The following RASA3 variants were observed in gnomAD, a reference collection of about 807,000 sequenced individuals.
The protein encoded by RASA3 is ras GTPase-activating protein 3.
Under a neutral mutation model 110.0 loss-of-function variants are expected in RASA3, and 73 were observed. The observed-to-expected ratio is 0.66, with a 90% CI of 0.55 to 0.81. RASA3 has a LOEUF of 0.81. Ranked by LOEUF, RASA3 falls within the 30% of genes least tolerant of loss-of-function variation. RASA3 has a pLI of 0.00. For missense variants in RASA3, 976 were observed against 1,113.2 expected, an observed-to-expected ratio of 0.88 and a Z score of 1.75; for synonymous variants, 500 against 451.4, an observed-to-expected ratio of 1.11 and a Z score of -1.37.
At chr13:114,039,706 C>A (rs572202689) in intron 4 of RASA3, among the ~76,000 whole-genome samples, 1 of 152,344 alleles carries the variant, frequency 6.6e-6, no homozygotes, top group South Asian at 2.1e-4. Flanking sequence ...CTGTTACAGG[C>A]AAGCCTGGAG....
At chr13:114,046,751 G>A (rs770251643) in intron 3 of RASA3, among the ~76,000 whole-genome samples, 7 of 152,130 alleles carry the variant, frequency 4.6e-5, no homozygotes, top group African/African-American at 7.2e-5. Flanking sequence ...TACCTCAGAT[G>A]GAAGAGAATA....
At position 114,023,858 on chromosome 13, in the gene RASA3, A is replaced by G. The variant is rs1391835887; in HGVS notation, c.680+421T>C. Among the ~76,000 whole-genome samples the G allele has an allele frequency of 1.3e-5, 2 of 152,222 alleles. 1 individual carries two copies. Among genetic ancestry groups the G allele is most frequent in the Admixed American group, 1.3e-4 (2 of 15,280 alleles). On this transcript the variant is annotated intron_variant, in intron 8 of 23. Transcript: ENST00000334062. ...GTCAAAGGGGACAGGGTCTCCACAG[A>G]GGCCACCCAGCCGAGAGTTTCAGCA...
At chr13:114,013,630 C>CTCTCCATCTCTTTG in intron 14 of RASA3, among the ~76,000 whole-genome samples, 1 of 148,304 alleles carries the variant, frequency 6.7e-6, no homozygotes, top group Admixed American at 6.7e-5. Context: ...ATCTGTCTCT[C>CTCTCCATCTCTTTG]TCTCTCTCCA....
At chr13:114,070,547 GGGGC>G (rs2139659048) in intron 2 of RASA3, among the ~76,000 whole-genome samples, 1 of 152,330 alleles carries the variant, frequency 6.6e-6, no homozygotes, top group South Asian at 2.1e-4. Context: ...TCACACTACA[GGGGC>G]GGCCAGCCCG....
intron 2 of RASA3, among the ~76,000 whole-genome samples, chr13:114,055,921 C>T (rs1234326558): frequency 6.6e-6 from 1 of 152,212 alleles, no homozygotes; most frequent in Non-Finnish European, 1.5e-5. Flanking sequence ...CTTCGTTCAC[C>T]ATGGAGGAAC....
intron 18 of RASA3, among the ~76,000 whole-genome samples, chr13:114,002,698 C>T (rs2053432531): frequency 6.6e-6 from 1 of 152,166 alleles, no homozygotes; most frequent in Admixed American, 6.5e-5. Context: ...GTGCAGTTTC[C>T]AGGTTAAGGC....
intron 21 of RASA3, among the ~76,000 whole-genome samples, chr13:113,993,957 C>T (rs1358715274): frequency 2.0e-5 from 3 of 152,068 alleles, no homozygotes; most frequent in Admixed American, 6.6e-5. Flanking sequence ...TAGGAACGCG[C>T]GGGGCTGTTA....
chr13:114,102,146 A>G (rs564349165), intron 1 of RASA3, among the ~76,000 whole-genome samples: 15 of 152,286 alleles, frequency 9.8e-5, no homozygotes, highest in African/African-American at 3.6e-4. Context: ...ACTGTCTTAA[A>G]AAGAGTGTCT....
chr13:114,049,927 C>T (rs923774331), intron 3 of RASA3, among the ~76,000 whole-genome samples: 2 of 152,216 alleles, frequency 1.3e-5, no homozygotes, highest in African/African-American at 4.8e-5. Flanking sequence ...CCACCCATGC[C>T]GCGGGGTCGG....
intron 3 of RASA3, among the ~76,000 whole-genome samples, chr13:114,049,086 A>C (rs1360046966): frequency 6.9e-6 from 1 of 144,930 alleles, no homozygotes; most frequent in Admixed American, 6.9e-5. Flanking sequence ...TGCACCTCTC[A>C]CTCCTGGACC....
At chr13:114,022,735 T>C (rs2053952381) in intron 8 of RASA3, among the ~76,000 whole-genome samples, 1 of 152,218 alleles carries the variant, frequency 6.6e-6, no homozygotes, top group Non-Finnish European at 1.5e-5. Flanking sequence ...CGCATTTGCC[T>C]TTAATAAGGG....
At chr13:114,040,834 G>A (rs539796822) in intron 4 of RASA3, among the ~76,000 whole-genome samples, 166 bp downstream of exon 4, 1 of 152,106 alleles carries the variant, frequency 6.6e-6, no homozygotes, top group Non-Finnish European at 1.5e-5. Flanking sequence ...GGCGGAGCCC[G>A]CGCTCACTCC....
chr13:113,991,467 C>T (rs2053111665), intron 22 of RASA3, among the ~76,000 whole-genome samples: 1 of 152,220 alleles, frequency 6.6e-6, no homozygotes, highest in Admixed American at 6.5e-5. Flanking sequence ...GTCATATGAT[C>T]TCCAAGAGCA....
intron 11 of RASA3, 82 bp downstream of exon 11, chr13:114,018,022 G>A (rs1316575493): frequency 9.3e-6 from 13 of 1,402,620 alleles, no homozygotes; most frequent in Non-Finnish European, 1.1e-5. Context: ...CCCTGCCCCA[G>A]GACACGTGGT....
intron 3 of RASA3, among the ~76,000 whole-genome samples, chr13:114,051,593 C>T (rs7317994): frequency 0.22 from 32,995 of 151,826 alleles, 3,638 homozygotes; most frequent in East Asian, 0.3. Flanking sequence ...AACAGTATTG[C>T]CCCAAAAACC....
At chr13:114,069,298 G>A (rs1012473948) in intron 2 of RASA3, among the ~76,000 whole-genome samples, 5 of 151,924 alleles carry the variant, frequency 3.3e-5, no homozygotes, top group Non-Finnish European at 7.4e-5. Flanking sequence ...AGACCCAGCG[G>A]CCAGAGAGCA....
chr13:113,992,384 G>C (rs953688554), intron 22 of RASA3, 101 bp downstream of exon 22: 2 of 887,014 alleles, frequency 2.3e-6, no homozygotes, highest in Non-Finnish European at 3.6e-6. Context: ...CACTACACCA[G>C]AGGCTCAGAC....
Position 114,062,012 on chromosome 13 carries a change from G to A in RASA3, c.174-9857C>T, listed in dbSNP as rs113282563. On this transcript the variant is annotated intron_variant, in intron 2 of 23. Transcript: ENST00000334062. ...AGATCCCACGGTGGGCAGAAAAGGC[G>A]GGGGTCGGACTGACGCCGTCCTGGA... 3.2e-4 allele frequency among the ~76,000 whole-genome samples: 48 copies of A among 152,256 alleles called. 1 individual carries two copies. In the South Asian group the frequency reaches 7.1e-3, roughly 22 times the overall value.
At chr13:114,054,175 A>G (rs1187845664) in intron 2 of RASA3, among the ~76,000 whole-genome samples, 1 of 152,216 alleles carries the variant, frequency 6.6e-6, no homozygotes, top group Non-Finnish European at 1.5e-5. Flanking sequence ...GACAGACTAG[A>G]AAAAATATTA....
Sources: gnomAD v4.1 joint callset for allele counts (sites outside exome capture counted in the v4.1 genomes callset) on GRCh38, gnomAD v4.1.1 for gene constraint, MANE v1.5 for transcripts, NCBI Gene and HGNC (gene_info 2026-07-23, HGNC 2026-07-21) for gene names.